The following SLC44A5 variants were observed in gnomAD, a reference collection of about 807,000 sequenced individuals.
The protein encoded by SLC44A5 is solute carrier family 44 member 5.
A neutral mutation model predicts 101.8 loss-of-function variants in SLC44A5; 57 were observed. The ratio of observed to expected loss-of-function variants is 0.56; its 90% confidence interval spans 0.45 to 0.70. The LOEUF (loss-of-function observed/expected upper bound fraction) is 0.70. Ranked by LOEUF, SLC44A5 falls within the 30% of genes least tolerant of loss-of-function variation. The pLI is 0.00. For missense variants in SLC44A5, 737 were observed against 853.1 expected (o/e 0.86, Z 1.70); for synonymous variants, 281 against 290.9 (o/e 0.97, Z 0.35).
intron 6 of SLC44A5, among the ~76,000 whole-genome samples, chr1:75,259,650 C>G (rs573388409): frequency 6.6e-6 from 1 of 152,030 alleles, no homozygotes; most frequent in Non-Finnish European, 1.5e-5. Context: ...GCAAGGCAGG[C>G]CAATATTCAA....
intron 5 of SLC44A5, among the ~76,000 whole-genome samples, chr1:75,294,274 T>C (rs974576483): frequency 1.3e-5 from 2 of 152,090 alleles, no homozygotes; most frequent in African/African-American, 4.8e-5. Flanking sequence ...GTTCCCAAAT[T>C]AGAACAACAG....
At chr1:75,292,857 A>G (rs1466610723) in intron 5 of SLC44A5, among the ~76,000 whole-genome samples, 1 of 152,202 alleles carries the variant, frequency 6.6e-6, no homozygotes, top group Non-Finnish European at 1.5e-5. Context: ...TTCCTCATTT[A>G]TTGTTTTTAT....
chr1:75,404,958 C>T (rs576649030), intron 2 of SLC44A5, among the ~76,000 whole-genome samples: 48 of 152,274 alleles, frequency 3.2e-4, no homozygotes, highest in Middle Eastern at 3.4e-3. Flanking sequence ...ACCCATCTCA[C>T]GTGCAAAGGC....
At chr1:75,637,684 A>ATTT in the SLC44A5 span, among the ~76,000 whole-genome samples, 4 of 152,094 alleles carry the variant, frequency 2.6e-5, no homozygotes, top group Admixed American at 6.6e-5. Flanking sequence ...ACATTAAGAA[A>ATTT]TTAAGCAGAG....
chr1:75,701,919 AG>A, the SLC44A5 span, among the ~76,000 whole-genome samples: 2 of 152,194 alleles, frequency 1.3e-5, no homozygotes, highest in African/African-American at 4.8e-5. Context: ...TGCTTCAAAG[AG>A]AATGAAATAC....
Position 75,360,185 on chromosome 1 carries a change from T to G in SLC44A5, c.53-20555A>C, listed in dbSNP as rs1051815107. 2.9e-4 allele frequency among the ~76,000 whole-genome samples: 44 copies of G among 152,162 alleles called. 1 individual carries two copies. The highest frequency in any genetic ancestry group is 2.6e-3 in the Admixed American group (40 of 15,274). On this transcript the variant is annotated intron_variant, in intron 3 of 23. Transcript: ENST00000370859. ...AGCTTTTTATTTGATGCAATCTCAT[T>G]TGTCCATTTTTGCTTTTGTTGGCTA...
chr1:75,318,391 GAAAGAAA>G (rs1655870919), intron 4 of SLC44A5, among the ~76,000 whole-genome samples: 3 of 141,622 alleles, frequency 2.1e-5, no homozygotes, highest in Non-Finnish European at 4.7e-5. Context: ...AAGAAAGAAA[GAAAGAAA>G]GAAAGAAAGA....
chr1:75,383,781 A>T (rs1298153436), intron 3 of SLC44A5, among the ~76,000 whole-genome samples: 11 of 151,966 alleles, frequency 7.2e-5, no homozygotes, highest in Non-Finnish European at 1.5e-4. Context: ...GAAATGAAGG[A>T]AAAAATGTTA....
At chr1:75,678,206 G>A in the SLC44A5 span, among the ~76,000 whole-genome samples, 1 of 152,198 alleles carries the variant, frequency 6.6e-6, no homozygotes, top group Non-Finnish European at 1.5e-5. Flanking sequence ...CCAATGCCCA[G>A]GCTTGCTTAG....
At chr1:75,375,465 T>C (rs1250475229) in intron 3 of SLC44A5, among the ~76,000 whole-genome samples, 1 of 152,206 alleles carries the variant, frequency 6.6e-6, no homozygotes, top group African/African-American at 2.4e-5. Flanking sequence ...AGTTGACATG[T>C]AAGTTCAAGA....
At chr1:75,288,143 A>C (rs1653229538) in intron 5 of SLC44A5, among the ~76,000 whole-genome samples, 1 of 152,220 alleles carries the variant, frequency 6.6e-6, no homozygotes, top group Non-Finnish European at 1.5e-5. Flanking sequence ...TAATTTCACC[A>C]TCTTTCTTTT....
chr1:75,268,884 T>C (rs1651226616), intron 6 of SLC44A5, among the ~76,000 whole-genome samples: 1 of 152,106 alleles, frequency 6.6e-6, no homozygotes, highest in South Asian at 2.1e-4. Context: ...TTGAGAAACA[T>C]TTAGGTTGTT....
chr1:75,547,820 C>T (rs932611399), intron 1 of SLC44A5, among the ~76,000 whole-genome samples: 1 of 152,124 alleles, frequency 6.6e-6, no homozygotes, highest in African/African-American at 2.4e-5. Flanking sequence ...AGACATCCAC[C>T]TTACAGTCCT....
At chr1:75,327,575 G>A (rs72682083) in intron 4 of SLC44A5, among the ~76,000 whole-genome samples, 2,714 of 152,184 alleles carry the variant, frequency 0.018, 34 homozygotes, top group Non-Finnish European at 0.028. Flanking sequence ...TGATGGCTTC[G>A]ATTACCAAAA....
intron 2 of SLC44A5, among the ~76,000 whole-genome samples, chr1:75,491,708 T>C (rs1557842708): frequency 6.6e-6 from 1 of 150,776 alleles, no homozygotes; most frequent in Non-Finnish European, 1.5e-5. Context: ...TGTGCATACA[T>C]ACACACACAA....
the SLC44A5 span, among the ~76,000 whole-genome samples, chr1:75,693,482 A>T: frequency 6.6e-6 from 1 of 152,140 alleles, no homozygotes; most frequent in East Asian, 1.9e-4. Flanking sequence ...TCTATCCCCT[A>T]CCCCATAGAA....
intron 2 of SLC44A5, among the ~76,000 whole-genome samples, chr1:75,521,084 T>C (rs368962845): frequency 1.2e-4 from 18 of 152,112 alleles, no homozygotes; most frequent in East Asian, 3.9e-4. Context: ...GGGATGTACA[T>C]ACAGCAATAA....
the SLC44A5 span, among the ~76,000 whole-genome samples, chr1:75,719,329 C>A: frequency 2.6e-5 from 4 of 152,306 alleles, no homozygotes; most frequent in African/African-American, 9.6e-5. Flanking sequence ...GCAAAGCCAA[C>A]TTAAAAGGAG....
At chr1:75,406,399 G>A (rs1216963190) in intron 2 of SLC44A5, among the ~76,000 whole-genome samples, 3 of 152,128 alleles carry the variant, frequency 2.0e-5, no homozygotes, top group Non-Finnish European at 4.4e-5. Flanking sequence ...ACCTGGCAGT[G>A]ACACAACAGA....
Sources: gnomAD v4.1 joint callset for allele counts (sites outside exome capture counted in the v4.1 genomes callset) on GRCh38, gnomAD v4.1.1 for gene constraint, MANE v1.5 for transcripts, NCBI Gene and HGNC (gene_info 2026-07-23, HGNC 2026-07-21) for gene names.